Variants in LMTK2 observed in about 807,000 individuals in gnomAD.
LMTK2 encodes lemur tail kinase 2, also known as serine/threonine-protein kinase LMTK2.
LMTK2 carries 37 observed loss-of-function variants against 127.5 expected under a neutral mutation model. That is an observed-to-expected ratio of 0.29 (90% CI 0.22 to 0.38). LMTK2 has a LOEUF of 0.38. Ranked by LOEUF, LMTK2 falls within the 10% of genes least tolerant of loss-of-function variation. The pLI is 1.00. For synonymous variants in LMTK2, 819 were observed against 810.1 expected, an observed-to-expected ratio of 1.01 and a Z score of -0.19; for missense variants, 1,694 against 1,920.3, an observed-to-expected ratio of 0.88 and a Z score of 2.20.
At chr7:98,138,333 G>A (rs780277745) in intron 2 of LMTK2, among the ~76,000 whole-genome samples, 6 of 152,156 alleles carry the variant, frequency 3.9e-5, no homozygotes, top group Non-Finnish European at 8.8e-5. Flanking sequence ...TGGACATGGG[G>A]CCCTGGTCTT....
intron 6 of LMTK2, among the ~76,000 whole-genome samples, chr7:98,166,073 A>G (rs1372162711): frequency 2.0e-5 from 3 of 152,206 alleles, no homozygotes; most frequent in Admixed American, 1.3e-4. Flanking sequence ...CAGCCCGGGC[A>G]CTACGGCCTT....
rs1017624128 is a variant in LMTK2, at chr7:98,205,805, G to A, written c.*313G>A. Reference sequence around the variant, plus strand: ...GGGCACAGCCTCCATGTGCGCGCGCGTGTGGAGCTGTGTGCACCGCATGTG... The same window carrying A: ...GGGCACAGCCTCCATGTGCGCGCGCATGTGGAGCTGTGTGCACCGCATGTG... On this transcript the variant is annotated 3_prime_UTR_variant, in exon 14 of 14. Coordinates refer to ENST00000297293, the MANE Select transcript of LMTK2 (RefSeq NM_014916.4). The A allele has an allele frequency of 2.2e-5, 10 of 462,590 alleles. No homozygotes were observed. The highest frequency in any genetic ancestry group is 5.1e-5 in the South Asian group (2 of 39,178). The allele number at this position is 462,590 out of a possible 1,614,324, so 28.7% of individuals were successfully genotyped here.
In LMTK2 at chr7:98,205,840, C is replaced by T. The variant is rs1291283072; in HGVS notation, c.*348C>T. ...GTGTGCACCGCATGTGTGCTTTCCA[C>T]AGGGGCGTCTCTGCGTCCACGCCTG... On this transcript the variant is annotated 3_prime_UTR_variant, in exon 14 of 14. Coordinates refer to ENST00000297293, the MANE Select transcript of LMTK2 (RefSeq NM_014916.4). 1 of 334,238 alleles carries T rather than the reference C, an allele frequency of 3.0e-6. No individual in the cohort carries two copies. Among genetic ancestry groups the T allele is most frequent in the African/African-American group, 2.1e-5 (1 of 47,302 alleles). 20.7% of individuals were successfully genotyped at this position (334,238 alleles called of 1,614,324 possible).
At chr7:98,186,145 C>T (rs1797429367) in intron 8 of LMTK2, among the ~76,000 whole-genome samples, 1 of 151,380 alleles carries the variant, frequency 6.6e-6, no homozygotes, top group Non-Finnish European at 1.5e-5. Flanking sequence ...CTCACTGCAA[C>T]CTCCGCCTCC....
chr7:98,172,500 C>T (rs559304750), intron 7 of LMTK2, among the ~76,000 whole-genome samples: 1 of 152,118 alleles, frequency 6.6e-6, no homozygotes, highest in Admixed American at 6.5e-5. Context: ...ACTTGGAGTC[C>T]CGTCTCAAAT....
chr7:98,166,357 C>T (rs1027490117), intron 6 of LMTK2, among the ~76,000 whole-genome samples: 6 of 152,210 alleles, frequency 3.9e-5, no homozygotes, highest in Non-Finnish European at 7.3e-5. Flanking sequence ...TCCGATGGTG[C>T]TTGGGCAGGC....
At chr7:98,202,829 T>G (rs561303331) in intron 11 of LMTK2, among the ~76,000 whole-genome samples, 19 of 152,280 alleles carry the variant, frequency 1.2e-4, no homozygotes, top group African/African-American at 3.6e-4. Context: ...CTCCCTCTTC[T>G]GTGATGTCCC....
rs767735685 is a variant in LMTK2, at chr7:98,204,313, A to G, written c.4483+127A>G. 5.1e-4 allele frequency: 647 copies of G among 1,279,934 alleles called. 1 individual carries two copies. The highest frequency in any genetic ancestry group is 6.6e-4 in the Non-Finnish European group (622 of 936,320). 79.3% of individuals were successfully genotyped at this position (1,279,934 alleles called of 1,614,324 possible). ...TTCACATTTGCTGAGTAGATTACAA[A>G]CTTGTTTTTATAAAACTCCCATCAT... On this transcript the variant is annotated intron_variant, in intron 13 of 13. Coordinates refer to ENST00000297293, the MANE Select transcript of LMTK2 (RefSeq NM_014916.4).
intron 11 of LMTK2, among the ~76,000 whole-genome samples, chr7:98,202,141 T>C (rs951247734): frequency 6.6e-6 from 1 of 152,140 alleles, no homozygotes; most frequent in African/African-American, 2.4e-5. Context: ...TGCTCTTGTT[T>C]GGATTGGGTG....
chr7:98,118,257 TTTAGAG>T (rs1182317431), intron 1 of LMTK2, among the ~76,000 whole-genome samples: 1 of 152,218 alleles, frequency 6.6e-6, no homozygotes, highest in Non-Finnish European at 1.5e-5. Flanking sequence ...TATTTTTCTT[TTTAGAG>T]TAATAAATAT....
chr7:98,120,900 A>G (rs1413082956), intron 1 of LMTK2, among the ~76,000 whole-genome samples: 1 of 152,192 alleles, frequency 6.6e-6, no homozygotes, highest in East Asian at 1.9e-4. Flanking sequence ...CAGCAGTACA[A>G]TTCGGGAATC....
intron 3 of LMTK2, among the ~76,000 whole-genome samples, chr7:98,147,297 C>T (rs1004828073): frequency 7.2e-5 from 11 of 152,058 alleles, no homozygotes; most frequent in Admixed American, 1.3e-4. Context: ...TGGTTCACTG[C>T]AGCCTCGACT....
At chr7:98,178,377 C>T (rs1183409488) in intron 7 of LMTK2, among the ~76,000 whole-genome samples, 1 of 152,180 alleles carries the variant, frequency 6.6e-6, no homozygotes, top group African/African-American at 2.4e-5. Context: ...AGTGGTACTT[C>T]CTTGTGAATC....
chr7:98,179,634 C>G lies in LMTK2; in HGVS notation c.792-5417C>G, dbSNP rs571704162. On this transcript the variant is annotated intron_variant, in intron 7 of 13. Transcript: ENST00000297293. ...CCCTTTCTCCCTCCCTCCCTTTCTC[C>G]CTCCCTCCCTCTCTCCCTTGCTTAA... is the stretch of plus-strand genomic sequence containing the variant. Among the ~76,000 whole-genome samples, 230 of 130,790 alleles carry G rather than the reference C, an allele frequency of 1.8e-3. 1 individual carries two copies. The highest frequency in any genetic ancestry group is 6.3e-3 in the African/African-American group (218 of 34,770). The allele number at this position is 130,790 out of a possible 152,430, so 85.8% of individuals were successfully genotyped here. A position where few individuals can be genotyped will look rare whatever the true frequency, so the allele number is the denominator to read the frequency against.
intron 3 of LMTK2, among the ~76,000 whole-genome samples, chr7:98,148,613 G>T (rs1796806835): frequency 6.6e-6 from 1 of 152,074 alleles, no homozygotes; most frequent in South Asian, 2.1e-4. Flanking sequence ...TTTTACCTGT[G>T]AATGGGCCAA....
intron 11 of LMTK2, among the ~76,000 whole-genome samples, chr7:98,195,970 A>G (rs1196141183): frequency 6.6e-6 from 1 of 152,144 alleles, no homozygotes; most frequent in African/African-American, 2.4e-5. Flanking sequence ...TGGGCGGATC[A>G]CCTGACGTCG....
intron 1 of LMTK2, among the ~76,000 whole-genome samples, chr7:98,114,590 G>A (rs78677670): frequency 1.3e-5 from 2 of 152,180 alleles, no homozygotes; most frequent in East Asian, 1.9e-4. Flanking sequence ...GGTCAAATTA[G>A]GTGTGCAGGA....
In LMTK2 at chr7:98,205,511, G is replaced by T; in HGVS notation, c.*19G>T. On this transcript the variant is annotated 3_prime_UTR_variant, in exon 14 of 14. Coordinates refer to ENST00000297293, the MANE Select transcript of LMTK2 (RefSeq NM_014916.4). Reference sequence around the variant, plus strand: ...GGACTAGGTGGCTGCCAACGCGCACGCTCGGGTCCGAGGCTGCTCCCCTGG... The same window carrying T: ...GGACTAGGTGGCTGCCAACGCGCACTCTCGGGTCCGAGGCTGCTCCCCTGG... 2 of 1,611,678 alleles carry T rather than the reference G, an allele frequency of 1.2e-6. No homozygotes were observed. Among genetic ancestry groups the T allele is most frequent in the Non-Finnish European group, 1.7e-6 (2 of 1,179,868 alleles).
chr7:98,161,132 C>G (rs1016287756), intron 6 of LMTK2, among the ~76,000 whole-genome samples: 3 of 152,124 alleles, frequency 2.0e-5, no homozygotes, highest in Admixed American at 6.5e-5. Flanking sequence ...GTACCCGTTA[C>G]AATTTTTCTT....
Sources: allele counts gnomAD v4.1 joint callset (sites outside exome capture counted in the v4.1 genomes callset), GRCh38; gene constraint gnomAD v4.1.1; transcripts MANE v1.5; gene names NCBI Gene and HGNC (gene_info 2026-07-23, HGNC 2026-07-21).